Variants in KHDRBS2 observed in about 807,000 individuals in gnomAD.
KHDRBS2 encodes the protein KH RNA binding domain containing, signal transduction associated 2.
Under a neutral mutation model 44.3 loss-of-function variants are expected in KHDRBS2, and 26 were observed. That is an observed-to-expected ratio of 0.59 (90% CI 0.43 to 0.81). KHDRBS2 has a LOEUF of 0.81. Among genes scored for constraint, KHDRBS2 ranks in the 40% least tolerant of loss-of-function variants. KHDRBS2 has a pLI of 0.00. For missense variants in KHDRBS2, 476 were observed against 433.1 expected, an observed-to-expected ratio of 1.10 and a Z score of -0.88; for synonymous variants, 194 against 151.1, an observed-to-expected ratio of 1.28 and a Z score of -2.08.
chr6:61,722,764 C>T (rs535954049), intron 7 of KHDRBS2, among the ~76,000 whole-genome samples: 3 of 151,256 alleles, frequency 2.0e-5, no homozygotes, highest in African/African-American at 7.3e-5. Flanking sequence ...GGCTGGAGTA[C>T]AGTGGCGCGA....
intron 4 of KHDRBS2, among the ~76,000 whole-genome samples, chr6:61,954,851 C>CATATAT (rs1562513872): frequency 7.6e-5 from 3 of 39,244 alleles, no homozygotes; most frequent in Non-Finnish European, 1.4e-4. Context: ...TATACATATG[C>CATATAT]ATGTGTATAT....
Position 62,223,193 on chromosome 6 carries a change from C to T in KHDRBS2, c.92-45881G>A, listed in dbSNP as rs149619270. On this transcript the variant is annotated intron_variant, in intron 1 of 8. Coordinates refer to ENST00000281156, the MANE Select transcript of KHDRBS2 (RefSeq NM_152688.4). ...TCCTCTGAAATTTAGGTAGAGTTTC[C>T]CAAACCTCAATTCTAGACTTCTGTG... is the stretch of plus-strand genomic sequence containing the variant. Among the ~76,000 whole-genome samples the T allele has an allele frequency of 1.7e-4, 26 of 152,324 alleles. 1 individual carries two copies. The East Asian group carries it at 4.8e-3, about 28-fold the overall frequency.
chr6:61,853,479 C>G (rs1795746964), intron 6 of KHDRBS2, among the ~76,000 whole-genome samples: 2 of 152,100 alleles, frequency 1.3e-5, no homozygotes, highest in African/African-American at 4.8e-5. Context: ...AGGAAATGTA[C>G]TAAAATCTTA....
chr6:62,005,345 T>C (rs914706795), intron 3 of KHDRBS2, among the ~76,000 whole-genome samples: 5 of 152,058 alleles, frequency 3.3e-5, no homozygotes, highest in African/African-American at 9.7e-5. Flanking sequence ...TTGTTTGCTA[T>C]TTCTATTCCT....
the KHDRBS2 span, among the ~76,000 whole-genome samples, chr6:61,672,999 A>G: frequency 1.3e-5 from 2 of 151,876 alleles, no homozygotes; most frequent in South Asian, 4.1e-4. Flanking sequence ...TTAAGTCTTT[A>G]ATCCATCTTG....
intron 1 of KHDRBS2, among the ~76,000 whole-genome samples, chr6:62,212,109 C>T (rs529643775): frequency 6.6e-6 from 1 of 152,064 alleles, no homozygotes; most frequent in Admixed American, 6.6e-5. Flanking sequence ...ATGGTGAGAA[C>T]AAATAACTCT....
chr6:61,988,885 A>C (rs1354833004), intron 3 of KHDRBS2, among the ~76,000 whole-genome samples: 1 of 152,210 alleles, frequency 6.6e-6, no homozygotes. Context: ...GGAAAAGCAG[A>C]AAGAACATTT....
intron 6 of KHDRBS2, among the ~76,000 whole-genome samples, chr6:61,812,813 T>C (rs562928672): frequency 1.3e-5 from 2 of 152,230 alleles, no homozygotes; most frequent in Admixed American, 6.5e-5. Flanking sequence ...AGAGTTGAGA[T>C]ATACTCATTT....
intron 2 of KHDRBS2, among the ~76,000 whole-genome samples, chr6:62,088,313 G>GT (rs1390548253): frequency 6.6e-6 from 1 of 152,198 alleles, no homozygotes; most frequent in Admixed American, 6.5e-5. Flanking sequence ...TTTTTGGGCT[G>GT]TTTTTTCCTC....
At chr6:62,061,520 G>C (rs1791875734) in intron 2 of KHDRBS2, among the ~76,000 whole-genome samples, 1 of 148,672 alleles carries the variant, frequency 6.7e-6, no homozygotes, top group Non-Finnish European at 1.5e-5. Flanking sequence ...CTTCTGGCTT[G>C]TAGGGTTTCT....
At chr6:62,089,356 G>A (rs1799059914) in intron 2 of KHDRBS2, among the ~76,000 whole-genome samples, 1 of 151,726 alleles carries the variant, frequency 6.6e-6, no homozygotes, top group South Asian at 2.1e-4. Flanking sequence ...GAGGGCCCTT[G>A]TGGTGCAGGC....
Position 61,680,242 on chromosome 6 carries a change from T to C in KHDRBS2, c.*721A>G, listed in dbSNP as rs1044208882. 4 of 152,342 alleles carry C rather than the reference T, an allele frequency of 2.6e-5. No individual in the cohort carries two copies. The highest frequency in any genetic ancestry group is 5.9e-5 in the Non-Finnish European group (4 of 67,904). 9.4% of individuals were successfully genotyped at this position (152,342 alleles called of 1,614,324 possible). On this transcript the variant is annotated 3_prime_UTR_variant, in exon 9 of 9. Transcript: ENST00000281156. ...AAACAAGTAATTCCAAATTTAATTT[T>C]TACAAAAGTTTTCAGCTTTATTGAC...
intron 6 of KHDRBS2, among the ~76,000 whole-genome samples, chr6:61,846,784 C>CATATAT (rs142483867): frequency 1.2e-3 from 176 of 149,774 alleles, no homozygotes; most frequent in Non-Finnish European, 2.2e-3. Flanking sequence ...CTTGTAAGTA[C>CATATAT]ATATATATAT....
intron 2 of KHDRBS2, among the ~76,000 whole-genome samples, chr6:62,156,760 C>T (rs1480987576): frequency 6.6e-6 from 1 of 151,800 alleles, no homozygotes; most frequent in African/African-American, 2.4e-5. Context: ...CAAGCTCCGC[C>T]TCCCGGGTTC....
At chr6:61,831,014 A>G (rs1158499549) in intron 6 of KHDRBS2, among the ~76,000 whole-genome samples, 1 of 152,208 alleles carries the variant, frequency 6.6e-6, no homozygotes, top group African/African-American at 2.4e-5. Context: ...AAAAAGTCCG[A>G]AAATTTGAGA....
chr6:62,124,413 C>G (rs1283293205), intron 2 of KHDRBS2, among the ~76,000 whole-genome samples: 1 of 152,162 alleles, frequency 6.6e-6, no homozygotes, highest in Non-Finnish European at 1.5e-5. Context: ...ACAGACACCA[C>G]TTTAAACCAG....
intron 1 of KHDRBS2, among the ~76,000 whole-genome samples, chr6:62,271,738 AAATAAT>A (rs937590080): frequency 6.6e-6 from 1 of 152,040 alleles, no homozygotes; most frequent in Admixed American, 6.6e-5. Context: ...AAGAGTAAAA[AAATAAT>A]AATAATAAAT....
chr6:62,031,996 T>C (rs1161996837), intron 3 of KHDRBS2, among the ~76,000 whole-genome samples: 2 of 152,048 alleles, frequency 1.3e-5, no homozygotes, highest in Admixed American at 1.3e-4. Context: ...ACAGGGGTGC[T>C]TGTGTTACTC....
chr6:62,196,605 C>T (rs1825758947), intron 1 of KHDRBS2, among the ~76,000 whole-genome samples: 2 of 152,112 alleles, frequency 1.3e-5, no homozygotes, highest in Admixed American at 1.3e-4. Flanking sequence ...GAACACTCAA[C>T]CCACATTGCC....
Sources: gnomAD v4.1 joint callset for allele counts (sites outside exome capture counted in the v4.1 genomes callset) on GRCh38, gnomAD v4.1.1 for gene constraint, MANE v1.5 for transcripts, NCBI Gene and HGNC (gene_info 2026-07-23, HGNC 2026-07-21) for gene names.